BCAS3: variants seen among roughly 807,000 people sequenced by gnomAD.
BCAS3 encodes BCAS3 microtubule associated cell migration factor, also known as BCAS4/BCAS3 fusion.
In BCAS3, 53 loss-of-function variants were observed where a neutral mutation model predicts 116.1. That is an observed-to-expected ratio of 0.46 (90% CI 0.37 to 0.57). The LOEUF is 0.57. Among genes scored for constraint, BCAS3 ranks in the 20% least tolerant of loss-of-function variants. The probability of loss-of-function intolerance (pLI) is 0.00; values close to 1 mark genes in which losing one functional copy is unlikely to be tolerated. For missense variants in BCAS3, 917 were observed against 1,165.4 expected, an observed-to-expected ratio of 0.79 and a Z score of 3.10; for synonymous variants, 391 against 408.2, an observed-to-expected ratio of 0.96 and a Z score of 0.51.
chr17:60,700,071 G>A (rs1010382913), intron 4 of BCAS3, among the ~76,000 whole-genome samples: 14 of 152,042 alleles, frequency 9.2e-5, no homozygotes, highest in Non-Finnish European at 1.6e-4. Flanking sequence ...CTACATGGGA[G>A]GCTGAGGCAA....
intron 23 of BCAS3, among the ~76,000 whole-genome samples, chr17:61,386,325 G>A (rs1264928634): frequency 6.6e-6 from 1 of 152,208 alleles, no homozygotes; most frequent in Non-Finnish European, 1.5e-5. Context: ...CTGGGGGCTG[G>A]ACTGGCCAGG....
At position 61,055,004 on chromosome 17, in the gene BCAS3, G is replaced by A. The variant is rs147586138; in HGVS notation, c.2029+14112G>A. On this transcript the variant is annotated intron_variant, in intron 19 of 23. Transcript: ENST00000407086. The stretch of plus-strand genomic sequence containing the variant: ...CCTGATGTCATTTATGCTATCTCAC[G>A]TAAGTTTAAGGTTATTTACATACAG... Among the ~76,000 whole-genome samples the A allele has an allele frequency of 1.6e-4, 25 of 152,316 alleles. No homozygotes were observed. In the East Asian group the frequency reaches 3.3e-3, roughly 20 times the overall value.
chr17:61,049,600 G>A lies in BCAS3; in HGVS notation c.2029+8708G>A, dbSNP rs139654495. Among the ~76,000 whole-genome samples, 1,350 of 151,286 alleles carry A rather than the reference G, an allele frequency of 8.9e-3. 25 individuals carry two copies. The highest frequency in any genetic ancestry group is 0.015 in the Non-Finnish European group (1,017 of 67,802). ...CACCTTAAGAAAGGCATACCAAAGTGTATTATAATCAATTTGCTCAAAATC... is the reference window on the plus strand; with the variant it reads ...CACCTTAAGAAAGGCATACCAAAGTATATTATAATCAATTTGCTCAAAATC... On this transcript the variant is annotated intron_variant, in intron 19 of 23. Transcript: ENST00000407086.
chr17:61,380,347 A>G lies in BCAS3; in HGVS notation c.2594-11630A>G, dbSNP rs915948915. 106 of 656,346 alleles carry G rather than the reference A, an allele frequency of 1.6e-4. No individual in the cohort carries two copies. The African/African-American group carries it at 1.8e-3, about 11-fold the overall frequency. 40.7% of individuals were successfully genotyped at this position (656,346 alleles called of 1,614,324 possible). ...GCTAGTGAGAAATCTGTAAAACCCTAGATGTGCTGTGCCTGGGAACAGACC... is the reference window on the plus strand; with the variant it reads ...GCTAGTGAGAAATCTGTAAAACCCTGGATGTGCTGTGCCTGGGAACAGACC... On this transcript the variant is annotated intron_variant, in intron 23 of 23. Transcript: ENST00000407086. This position sits in a 1 kb window ranked among gnomAD's most constrained non-coding sequence, Gnocchi z 4.2.
intron 5 of BCAS3, among the ~76,000 whole-genome samples, chr17:60,716,494 G>T (rs2038624888): frequency 6.6e-6 from 1 of 151,982 alleles, no homozygotes; most frequent in South Asian, 2.1e-4. Flanking sequence ...TTGTAGCTGG[G>T]CATGGTGGCT....
intron 22 of BCAS3, among the ~76,000 whole-genome samples, chr17:61,260,924 T>C (rs2049150671): frequency 6.6e-6 from 1 of 152,204 alleles, no homozygotes; most frequent in Non-Finnish European, 1.5e-5. Context: ...ACTGTTACAG[T>C]TGAAAAGCAA....
chr17:60,845,294 T>C (rs888764269), intron 7 of BCAS3, among the ~76,000 whole-genome samples: 2 of 152,248 alleles, frequency 1.3e-5, no homozygotes, highest in African/African-American at 4.8e-5. Flanking sequence ...TGAAGGTCTT[T>C]ATTTGCTTAG....
In BCAS3 at chr17:61,279,678, C is replaced by A. The variant is rs1200118508; in HGVS notation, c.2426-88649C>A. On this transcript the variant is annotated intron_variant, in intron 22 of 23. Transcript: ENST00000407086. The surrounding 1 kb of genome is among the most constrained non-coding windows in gnomAD (Gnocchi z 4.4). ...ATCCCTTGGAGGACACAGAGTTGTT[C>A]AGTCCATCCTGGTGTAGACCACAAA... Among the ~76,000 whole-genome samples, 1 of 151,984 alleles carries A rather than the reference C, an allele frequency of 6.6e-6. No individual in the cohort carries two copies. Among genetic ancestry groups the A allele is most frequent in the Non-Finnish European group, 1.5e-5 (1 of 68,022 alleles).
At chr17:61,022,869 C>T (rs1175917953) in intron 16 of BCAS3, among the ~76,000 whole-genome samples, 6 of 151,762 alleles carry the variant, frequency 4.0e-5, no homozygotes, top group Non-Finnish European at 7.4e-5. Flanking sequence ...TGAACTCCTA[C>T]GCTCAGTCTT....
chr17:61,108,760 C>A (rs1248559319), intron 22 of BCAS3, among the ~76,000 whole-genome samples: 1 of 151,624 alleles, frequency 6.6e-6, no homozygotes, highest in African/African-American at 2.4e-5. Flanking sequence ...CCTTTGCCAC[C>A]CCTCACTCTT....
chr17:61,187,417 T>C lies in BCAS3; in HGVS notation c.2425+102853T>C, dbSNP rs948410468. Among the ~76,000 whole-genome samples the C allele has an allele frequency of 5.1e-4, 78 of 152,244 alleles. 1 individual carries two copies. The highest frequency in any genetic ancestry group is 1.7e-3 in the African/African-American group (72 of 41,476). On this transcript the variant is annotated intron_variant, in intron 22 of 23. Transcript: ENST00000407086. ...ATGGATATGAGTTATTGAGTAGCAC[T>C]GATGACCAACAGAGTTACCCATGTT...
intron 22 of BCAS3, among the ~76,000 whole-genome samples, chr17:61,329,737 G>A (rs959630278): frequency 6.6e-6 from 1 of 152,078 alleles, no homozygotes; most frequent in South Asian, 2.1e-4. Context: ...GAATAGCTCC[G>A]GGTGAGGGTG....
intron 9 of BCAS3, among the ~76,000 whole-genome samples, chr17:60,882,041 G>C (rs1436944919): frequency 1.3e-5 from 2 of 148,530 alleles, no homozygotes. Context: ...GGATGAACTA[G>C]TTTACAGTCC....
chr17:60,980,700 A>T (rs1047238158), intron 14 of BCAS3: 2 of 151,316 alleles, frequency 1.3e-5, no homozygotes, highest in Non-Finnish European at 2.9e-5. Context: ...TGCCCAGCTA[A>T]TTTTTCTATT....
rs2074078160 is a variant in BCAS3 at position 61,097,852 on chromosome 17, C to T, written c.2425+13288C>T. On this transcript the variant is annotated intron_variant, in intron 22 of 23. Transcript: ENST00000407086. This position sits in a 1 kb window ranked among gnomAD's most constrained non-coding sequence, Gnocchi z 4.0. ...GGTGACACCTCAGATAAGTCTAAACCTCTTTCTACCCTGCCTAATCAAATA... is the reference window on the plus strand; with the variant it reads ...GGTGACACCTCAGATAAGTCTAAACTTCTTTCTACCCTGCCTAATCAAATA... 6.6e-6 allele frequency among the ~76,000 whole-genome samples: 1 copy of T among 152,190 alleles called. No homozygotes were observed. Among genetic ancestry groups the T allele is most frequent in the Admixed American group, 6.5e-5 (1 of 15,278 alleles).
chr17:60,730,330 C>T (rs2144154917), intron 5 of BCAS3, among the ~76,000 whole-genome samples: 1 of 152,258 alleles, frequency 6.6e-6, no homozygotes, highest in Non-Finnish European at 1.5e-5. Flanking sequence ...AATTTACTTC[C>T]TGCCTGCCTG....
At position 61,151,298 on chromosome 17, in the gene BCAS3, A is replaced by G. The variant is rs913339935; in HGVS notation, c.2425+66734A>G. ...TATAATGCAAATATTCTAAGATCTG[A>G]AAAAATTCAAAATTCAAAGCACTCC... On this transcript the variant is annotated intron_variant, in intron 22 of 23. Transcript: ENST00000407086. This position sits in a 1 kb window ranked among gnomAD's most constrained non-coding sequence, Gnocchi z 4.8. Among the ~76,000 whole-genome samples, 3 of 152,262 alleles carry G rather than the reference A, an allele frequency of 2.0e-5. No individual in the cohort carries two copies. The highest frequency in any genetic ancestry group is 1.9e-4 in the East Asian group (1 of 5,184).
At chr17:61,236,604 G>A (rs1602096361) in intron 22 of BCAS3, among the ~76,000 whole-genome samples, 1 of 152,190 alleles carries the variant, frequency 6.6e-6, no homozygotes, top group Non-Finnish European at 1.5e-5. Context: ...ACAGGCGTGA[G>A]CCACCGCATC....
Position 61,141,424 on chromosome 17 carries a change from A to G in BCAS3, c.2425+56860A>G, listed in dbSNP as rs1420115915. 6.6e-6 allele frequency among the ~76,000 whole-genome samples: 1 copy of G among 152,142 alleles called. No individual in the cohort carries two copies. ...AGTGTTAAAAGTAACCAGGTATAGT[A>G]GCAGGAGTCCATAGTCCCAGCTACT... On this transcript the variant is annotated intron_variant, in intron 22 of 23. Transcript: ENST00000407086. The surrounding 1 kb of genome is among the most constrained non-coding windows in gnomAD (Gnocchi z 4.3).
Sources: gnomAD v4.1 joint callset for allele counts (sites outside exome capture counted in the v4.1 genomes callset) on GRCh38, gnomAD v4.1.1 for gene constraint, Gnocchi (gnomAD v3.1) non-coding constraint, MANE v1.5 for transcripts, NCBI Gene and HGNC (gene_info 2026-07-23, HGNC 2026-07-21) for gene names.